The following GMDS variants were observed in gnomAD, a reference collection of about 807,000 sequenced individuals.
GMDS encodes the protein GDP-mannose 4,6-dehydratase.
Under a neutral mutation model 49.9 loss-of-function variants are expected in GMDS, and 20 were observed. The observed-to-expected ratio is 0.40, with a 90% CI of 0.28 to 0.58. The LOEUF (loss-of-function observed/expected upper bound fraction) is 0.58, where lower values mean the gene tolerates loss of function less well. GMDS is among the 20% of genes least tolerant of loss of function. GMDS has a pLI of 0.42. For missense variants in GMDS, 362 were observed against 481.4 expected, an observed-to-expected ratio of 0.75 and a Z score of 2.32; for synonymous variants, 177 against 178.6, an observed-to-expected ratio of 0.99 and a Z score of 0.07.
chr6:1,942,745 G>A (rs928914274), intron 6 of GMDS, among the ~76,000 whole-genome samples: 4 of 152,306 alleles, frequency 2.6e-5, no homozygotes, highest in South Asian at 2.1e-4. Context: ...CCCTGAAATC[G>A]GACGTTCCTG....
intron 6 of GMDS, among the ~76,000 whole-genome samples, chr6:1,940,494 G>A (rs1762770823): frequency 6.6e-6 from 1 of 152,208 alleles, no homozygotes; most frequent in South Asian, 2.1e-4. Flanking sequence ...GTGGAGACAG[G>A]GTGTGGAAAG....
intron 9 of GMDS, among the ~76,000 whole-genome samples, chr6:1,642,411 G>A (rs940117220): frequency 2.0e-5 from 3 of 151,770 alleles, no homozygotes; most frequent in East Asian, 1.9e-4. Flanking sequence ...TCAAATGATC[G>A]GCCCACCTCG....
chr6:2,210,827 A>C (rs1780030741), intron 1 of GMDS, among the ~76,000 whole-genome samples: 1 of 152,144 alleles, frequency 6.6e-6, no homozygotes. Flanking sequence ...CCCCATCCAA[A>C]TCTCATGTTG....
chr6:1,656,763 CAA>C (rs766642591), intron 9 of GMDS, among the ~76,000 whole-genome samples: 4 of 128,780 alleles, frequency 3.1e-5, no homozygotes, highest in Non-Finnish European at 1.7e-5. Context: ...GACTCTGTCT[CAA>C]AAAAAAAAAA....
chr6:1,679,091 C>T (rs1280288355), intron 9 of GMDS: 3 of 152,214 alleles, frequency 2.0e-5, no homozygotes, highest in Non-Finnish European at 4.4e-5. Flanking sequence ...CGCACACACA[C>T]AGTTGTTACG....
intron 1 of GMDS, among the ~76,000 whole-genome samples, chr6:2,232,447 C>G (rs541635356): frequency 1.8e-4 from 28 of 152,320 alleles, no homozygotes; most frequent in Non-Finnish European, 3.4e-4. Flanking sequence ...ACTCACAACA[C>G]TCTAATCAAA....
chr6:2,158,304 C>T (rs1439239602), intron 1 of GMDS, among the ~76,000 whole-genome samples: 4 of 152,126 alleles, frequency 2.6e-5, no homozygotes, highest in African/African-American at 9.7e-5. Flanking sequence ...AATTCAAAGG[C>T]TATCTCAATT....
chr6:1,688,566 T>C (rs1358527770), intron 9 of GMDS, among the ~76,000 whole-genome samples: 1 of 152,368 alleles, frequency 6.6e-6, no homozygotes, highest in East Asian at 1.9e-4. Context: ...AGCATATATT[T>C]AGCTATTGAG....
At chr6:2,177,617 G>A (rs1015472272) in intron 1 of GMDS, among the ~76,000 whole-genome samples, 3 of 152,076 alleles carry the variant, frequency 2.0e-5, no homozygotes, top group African/African-American at 7.2e-5. Context: ...AATAGACACA[G>A]AAAAAGTTTT....
intron 7 of GMDS, among the ~76,000 whole-genome samples, chr6:1,853,284 C>T (rs969858786): frequency 2.6e-5 from 4 of 151,358 alleles, no homozygotes; most frequent in East Asian, 2.0e-4. Flanking sequence ...TTTGGGAGGC[C>T]GAGGCGGGCG....
intron 9 of GMDS, among the ~76,000 whole-genome samples, chr6:1,707,737 A>G (rs1765789391): frequency 6.6e-6 from 1 of 152,218 alleles, no homozygotes; most frequent in Admixed American, 6.5e-5. Context: ...ACTCTTCTGA[A>G]AGACACATGT....
chr6:2,004,214 C>T (rs1767010229), intron 4 of GMDS, among the ~76,000 whole-genome samples: 1 of 152,170 alleles, frequency 6.6e-6, no homozygotes, highest in South Asian at 2.1e-4. Flanking sequence ...TTTGAAAGTA[C>T]TTATTGGTCA....
intron 7 of GMDS, among the ~76,000 whole-genome samples, chr6:1,825,708 A>G (rs141859097): frequency 2.2e-4 from 34 of 152,358 alleles, no homozygotes; most frequent in African/African-American, 6.7e-4. Flanking sequence ...AGTAAAATAT[A>G]GCATAAAAGA....
At chr6:1,677,297 G>A (rs953562920) in intron 9 of GMDS, among the ~76,000 whole-genome samples, 3 of 152,114 alleles carry the variant, frequency 2.0e-5, no homozygotes. Flanking sequence ...TGGAGAGGAT[G>A]TGCTGGAGAG....
chr6:1,665,630 G>A (rs753414175), intron 9 of GMDS, among the ~76,000 whole-genome samples: 1 of 152,196 alleles, frequency 6.6e-6, no homozygotes, highest in Non-Finnish European at 1.5e-5. Context: ...CTTTGCTGTT[G>A]TTTTCCATGT....
At chr6:1,716,129 A>G (rs1014421648) in intron 9 of GMDS, among the ~76,000 whole-genome samples, 6 of 152,242 alleles carry the variant, frequency 3.9e-5, no homozygotes, top group Admixed American at 2.6e-4. Flanking sequence ...ACATTTCATT[A>G]TGAAGTCGAA....
At chr6:2,062,608 G>A (rs1771255896) in intron 4 of GMDS, among the ~76,000 whole-genome samples, 1 of 151,998 alleles carries the variant, frequency 6.6e-6, no homozygotes. Context: ...AAATTTTAAG[G>A]CCAATCATTC....
chr6:1,889,517 T>A (rs184262182), intron 7 of GMDS, among the ~76,000 whole-genome samples: 133 of 152,302 alleles, frequency 8.7e-4, no homozygotes, highest in African/African-American at 3.2e-3. Context: ...TACTCTTCCA[T>A]GCAAGGAACT....
rs147135259 is a variant in GMDS, at chr6:2,039,970, C to T, written c.345+75801G>A. 2.6e-3 allele frequency among the ~76,000 whole-genome samples: 393 copies of T among 152,260 alleles called. 1 individual carries two copies. The highest frequency in any genetic ancestry group is 4.3e-3 in the Admixed American group (66 of 15,288). On this transcript the variant is annotated intron_variant, in intron 4 of 10. Transcript: ENST00000380815. ...AGTGCAGTAGGTTTGTTTACACCAG[C>T]GTCACAAACACCTGCGTAACATGTT...
Sources: gnomAD v4.1 joint callset for allele counts (sites outside exome capture counted in the v4.1 genomes callset) on GRCh38, gnomAD v4.1.1 for gene constraint, MANE v1.5 for transcripts, NCBI Gene and HGNC (gene_info 2026-07-23, HGNC 2026-07-21) for gene names.